Variants in FER1L6 observed in about 807,000 individuals in gnomAD.
FER1L6 encodes fer-1-like protein 6.
Under a neutral mutation model 219.2 loss-of-function variants are expected in FER1L6, and 177 were observed. The ratio of observed to expected loss-of-function variants is 0.81; its 90% CI spans 0.71 to 0.91. The LOEUF (loss-of-function observed/expected upper bound fraction) is 0.91, where lower values mean the gene tolerates loss of function less well. FER1L6 is among the 40% of genes least tolerant of loss of function. The pLI is 0.00. For missense variants in FER1L6, 2,153 were observed against 2,259.9 expected (o/e 0.95, Z 0.96); for synonymous variants, 768 against 824.3 (o/e 0.93, Z 1.17).
intron 1 of FER1L6, among the ~76,000 whole-genome samples, chr8:123,918,714 G>C (rs999573332): frequency 6.6e-6 from 1 of 151,406 alleles, no homozygotes; most frequent in Non-Finnish European, 1.5e-5. Flanking sequence ...GGGCGGGGGG[G>C]TGGTCATCGA....
chr8:124,023,488 CAACAGGA>C lies in FER1L6; in HGVS notation c.2179_2185del (p.Asn727GlufsTer70), dbSNP rs1818556927. 6.2e-7 allele frequency: 1 copy of C among 1,614,096 alleles called. No individual in the cohort carries two copies. The highest frequency in any genetic ancestry group is 1.3e-5 in the African/African-American group (1 of 74,928). ...ACGTTTTCATCTGGATGCTCAGCAA[CAACAGGA>C]GAGTGGCCTATGCCCGCATCGCCTC... On this transcript the variant is annotated frameshift_variant, in exon 18 of 41. Coordinates refer to ENST00000522917, the MANE Select transcript of FER1L6 (RefSeq NM_001039112.2). LOFTEE classifies it high-confidence loss of function.
chr8:124,017,262 A>G (rs1818242563), intron 15 of FER1L6, among the ~76,000 whole-genome samples: 1 of 152,152 alleles, frequency 6.6e-6, no homozygotes, highest in African/African-American at 2.4e-5. Context: ...TGAATCTAAA[A>G]TATTTGTTTT....
At chr8:123,976,107 A>C in intron 9 of FER1L6, 23 bp downstream of exon 9, 1 of 1,572,726 alleles carries the variant, frequency 6.4e-7, no homozygotes, top group South Asian at 1.2e-5. Flanking sequence ...TGTCACTAAC[A>C]CTGCCTGCTA....
At chr8:123,898,901 T>C (rs1812811321) in intron 1 of FER1L6, among the ~76,000 whole-genome samples, 1 of 149,680 alleles carries the variant, frequency 6.7e-6, no homozygotes, top group African/African-American at 2.5e-5. Flanking sequence ...TATCCAGTTG[T>C]TGATTGTTGG....
intron 25 of FER1L6, among the ~76,000 whole-genome samples, chr8:124,062,964 G>A (rs1452179225): frequency 6.6e-6 from 1 of 152,138 alleles, no homozygotes; most frequent in Non-Finnish European, 1.5e-5. Flanking sequence ...CAACTTTCTA[G>A]ATTTTTGTTT....
intron 1 of FER1L6, among the ~76,000 whole-genome samples, chr8:123,903,113 G>A (rs1216010902): frequency 1.3e-5 from 2 of 152,022 alleles, no homozygotes; most frequent in African/African-American, 4.8e-5. Context: ...GGAAATTGTT[G>A]CCAATTTTAA....
At chr8:124,020,054 G>T (rs1763054497) in intron 16 of FER1L6, among the ~76,000 whole-genome samples, 2 of 152,124 alleles carry the variant, frequency 1.3e-5, no homozygotes, top group African/African-American at 4.8e-5. Flanking sequence ...GGAGGTAATT[G>T]AATCATGGGG....
chr8:123,967,857 G>A (rs2130234264), intron 5 of FER1L6, among the ~76,000 whole-genome samples: 1 of 152,110 alleles, frequency 6.6e-6, no homozygotes, highest in East Asian at 1.9e-4. Flanking sequence ...TCAGGAGGCT[G>A]AGGCAGGAGA....
intron 31 of FER1L6, among the ~76,000 whole-genome samples, chr8:124,075,584 A>G (rs1300855808): frequency 6.6e-6 from 1 of 152,224 alleles, no homozygotes; most frequent in Non-Finnish European, 1.5e-5. Context: ...AAATACATAA[A>G]CCAGTAACAT....
intron 26 of FER1L6, among the ~76,000 whole-genome samples, chr8:124,065,848 C>A (rs1586660374): frequency 6.6e-6 from 1 of 152,170 alleles, no homozygotes; most frequent in South Asian, 2.1e-4. Flanking sequence ...TGCCACCTTT[C>A]TGCCACACGT....
intron 13 of FER1L6, among the ~76,000 whole-genome samples, chr8:124,009,756 C>A (rs527861003): frequency 6.6e-6 from 1 of 151,850 alleles, no homozygotes; most frequent in South Asian, 2.1e-4. Context: ...AGCTGCAGAC[C>A]CAGCGAGGAG....
At chr8:123,895,940 A>T (rs1395553104) in intron 1 of FER1L6, among the ~76,000 whole-genome samples, 1 of 152,196 alleles carries the variant, frequency 6.6e-6, no homozygotes, top group Non-Finnish European at 1.5e-5. Flanking sequence ...GGGATGGATT[A>T]TTGGCCTTAT....
chr8:123,988,925 A>AT (rs1269065753), intron 12 of FER1L6, among the ~76,000 whole-genome samples: 1 of 152,016 alleles, frequency 6.6e-6, no homozygotes, highest in African/African-American at 2.4e-5. Flanking sequence ...AAAGGCTTTC[A>AT]GTTTTTTTTC....
chr8:124,069,555 C>T, intron 29 of FER1L6, 80 bp downstream of exon 29: 1 of 915,606 alleles, frequency 1.1e-6, no homozygotes, highest in Non-Finnish European at 1.6e-6. Context: ...TTTGGTCAAC[C>T]CTAGTCATGC....
At position 124,021,663 on chromosome 8, in the gene FER1L6, T is replaced by C; in HGVS notation, c.2127T>C (p.Val709=). The change falls in exon 17 of 41, where the codon GTT becomes GTC. Residue 709 remains valine (V), a synonymous_variant. Coordinates refer to ENST00000522917, the MANE Select transcript of FER1L6 (RefSeq NM_001039112.2). ...QNFVEKIRFL[V]DEPQHTIPDV... Reference sequence around the variant, plus strand: ...TTGTGGAAAAAATCCGCTTTCTTGTTGATGAGGTAACTGACTCTAAAGGCA... The same window carrying C: ...TTGTGGAAAAAATCCGCTTTCTTGTCGATGAGGTAACTGACTCTAAAGGCA... The C allele has an allele frequency of 6.2e-7, 1 of 1,614,122 alleles. No individual in the cohort carries two copies. Among genetic ancestry groups the C allele is most frequent in the Non-Finnish European group, 8.5e-7 (1 of 1,179,974 alleles).
At chr8:124,078,883 C>T (rs1308827140) in intron 32 of FER1L6, among the ~76,000 whole-genome samples, 1 of 152,196 alleles carries the variant, frequency 6.6e-6, no homozygotes, top group Admixed American at 6.5e-5. Flanking sequence ...GTACCATAAA[C>T]TGGGTGGCCG....
At chr8:124,043,870 T>C (rs1000612911) in intron 20 of FER1L6, among the ~76,000 whole-genome samples, 1 of 152,230 alleles carries the variant, frequency 6.6e-6, no homozygotes, top group Non-Finnish European at 1.5e-5. Flanking sequence ...GCAGTCCTTT[T>C]ACTCATGGGA....
At chr8:124,057,005 C>G (rs955672102) in intron 22 of FER1L6, among the ~76,000 whole-genome samples, 2 of 152,146 alleles carry the variant, frequency 1.3e-5, no homozygotes, top group African/African-American at 4.8e-5. Context: ...GATCGCACCT[C>G]TGCACTCCAG....
intron 1 of FER1L6, among the ~76,000 whole-genome samples, chr8:123,897,403 G>A (rs1382129443): frequency 1.3e-5 from 2 of 152,220 alleles, no homozygotes; most frequent in Admixed American, 1.3e-4. Context: ...GGTAGGGAGA[G>A]TGCTAGTCCT....
Sources: gnomAD v4.1 joint callset for allele counts (sites outside exome capture counted in the v4.1 genomes callset) on GRCh38, gnomAD v4.1.1 for gene constraint, MANE v1.5 for transcripts, NCBI Gene and HGNC (gene_info 2026-07-23, HGNC 2026-07-21) for gene names.